JARID2: variants seen among roughly 807,000 people sequenced by gnomAD.
JARID2 encodes jumonji and AT-rich interaction domain containing 2, also known as protein Jumonji.
Under a neutral mutation model 125.6 loss-of-function variants are expected in JARID2, and 21 were observed. The ratio of observed to expected loss-of-function variants is 0.17; its 90% confidence interval spans 0.12 to 0.24. JARID2 has a LOEUF of 0.24. JARID2 is among the 10% of genes least tolerant of loss of function. JARID2 has a pLI of 1.00. For missense variants in JARID2, 1,303 were observed against 1,639.6 expected (o/e 0.79, Z 3.55); for synonymous variants, 736 against 661.6 (o/e 1.11, Z -1.73).
At chr6:15,497,635 AG>A (rs1770521407) in intron 7 of JARID2, among the ~76,000 whole-genome samples, 1 of 119,562 alleles carries the variant, frequency 8.4e-6, no homozygotes, top group African/African-American at 3.5e-5. Context: ...TGGGTGACAG[AG>A]TGAGATTCCG....
At chr6:15,451,173 G>C (rs1183692148) in intron 3 of JARID2, among the ~76,000 whole-genome samples, 3 of 152,138 alleles carry the variant, frequency 2.0e-5, no homozygotes, top group African/African-American at 2.4e-5. Flanking sequence ...ACAAAACACT[G>C]TTCCAAGATC....
chr6:15,456,145 T>C (rs1479579996), intron 4 of JARID2, among the ~76,000 whole-genome samples: 1 of 152,112 alleles, frequency 6.6e-6, no homozygotes, highest in Non-Finnish European at 1.5e-5. Context: ...GTGTTTGTGC[T>C]ACATGTACTT....
At position 15,501,349 on chromosome 6, in the gene JARID2, G is replaced by C; in HGVS notation, c.2388G>C (p.Val796=). The C allele has an allele frequency of 2.5e-6, 4 of 1,597,560 alleles. No individual in the cohort carries two copies. ...RRRLFAQEKE[V]VKEEEEDKGV... ...GACTCTTCGCTCAGGAAAAAGAAGT[G>C]GTCAAGGAAGAGGAGGAGGACAAAG... The change falls in exon 8 of 18, where the codon GTG becomes GTC. Residue 796 remains valine (V), a synonymous_variant. Transcript: ENST00000341776.
Position 15,384,686 on chromosome 6 carries a change from C to G in JARID2, c.181+10434C>G, listed in dbSNP as rs527793557. 1.7e-4 allele frequency among the ~76,000 whole-genome samples: 26 copies of G among 152,254 alleles called. 1 individual carries two copies. In the South Asian group the frequency reaches 5.4e-3, roughly 32 times the overall value. ...TCTCACTGCAGCCTGGGCTCCTTCC[C>G]CATTTAACATCCCGCCCCAACCCCC... On this transcript the variant is annotated intron_variant, in intron 2 of 17. Coordinates refer to ENST00000341776, the MANE Select transcript of JARID2 (RefSeq NM_004973.4).
At position 15,468,604 on chromosome 6, in the gene JARID2, G is replaced by C. The variant is rs780008195; in HGVS notation, c.556G>C (p.Glu186Gln). ...AAGCTCTCAGGATGAGGAGGAAGTC[G>C]AGGAGGAAGATGATGAGACAGAAGA... ...FGSSQDEEEV[E>Q]EEDDETEDVK... The change falls in exon 5 of 18, where the codon GAG (glutamate) becomes CAG (glutamine). Residue 186 changes from glutamate (E) to glutamine (Q), a missense_variant. Physicochemically the swap from Glu to Gln is conservative, Grantham distance 29. This residue lies in a region of JARID2 where 651 missense variants were observed against 581.6 expected (regional missense o/e 1.12). Coordinates refer to ENST00000341776, the MANE Select transcript of JARID2 (RefSeq NM_004973.4). 8.7e-6 allele frequency: 14 copies of C among 1,614,014 alleles called. No homozygotes were observed. Among genetic ancestry groups the C allele is most frequent in the East Asian group, 2.2e-5 (1 of 44,888 alleles).
At chr6:15,332,930 C>CTTTTTTTTTTTT (rs1319288795) in intron 1 of JARID2, among the ~76,000 whole-genome samples, 13 of 82,818 alleles carry the variant, frequency 1.6e-4, no homozygotes, top group African/African-American at 5.8e-4. Context: ...CTTTTCTTTT[C>CTTTTTTTTTTTT]TTTTCTTTTT....
At position 15,486,917 on chromosome 6, in the gene JARID2, T is replaced by G. The variant is rs1441681536; in HGVS notation, c.671-390T>G. Among the ~76,000 whole-genome samples, 3 of 149,584 alleles carry G rather than the reference T, an allele frequency of 2.0e-5. No individual in the cohort carries two copies. In the East Asian group the frequency reaches 6.1e-4, roughly 30 times the overall value. On this transcript the variant is annotated intron_variant, in intron 5 of 17. Transcript: ENST00000341776. ...GTCCATTCTCACACTGCTATAAAGA[T>G]ACTACCTGAGACTGGGTAATTTATA... is the stretch of plus-strand genomic sequence containing the variant.
intron 3 of JARID2, among the ~76,000 whole-genome samples, chr6:15,415,954 T>C (rs552388129): frequency 1.5e-5 from 2 of 135,688 alleles, no homozygotes; most frequent in Admixed American, 7.3e-5. Context: ...GGGCGGAGGG[T>C]CTCCTCACTT....
At chr6:15,301,683 C>CT (rs1761630115) in intron 1 of JARID2, among the ~76,000 whole-genome samples, 1 of 152,138 alleles carries the variant, frequency 6.6e-6, no homozygotes, top group Admixed American at 6.5e-5. Flanking sequence ...GATAGGAAGA[C>CT]TGAGTGAAAA....
chr6:15,354,239 T>C (rs1276994556), intron 1 of JARID2, among the ~76,000 whole-genome samples: 1 of 152,046 alleles, frequency 6.6e-6, no homozygotes, highest in African/African-American at 2.4e-5. Flanking sequence ...TGATGCAGTT[T>C]GAGGATGGAT....
rs570974988 is a variant in JARID2 at position 15,517,523 on chromosome 6, G to GC, written c.3558+262dup. Among the ~76,000 whole-genome samples, 332 of 152,138 alleles carry GC rather than the reference G, an allele frequency of 2.2e-3. 3 individuals carry two copies. In the Middle Eastern group the frequency reaches 0.027, roughly 12 times the overall value. The stretch of plus-strand genomic sequence containing the variant: ...CAGGGCTGAGGCTCTTCCTGCAGCC[G>GC]CCCCCCCGGCTTTCCCAAGGGCTGC... On this transcript the variant is annotated intron_variant, in intron 17 of 17. Transcript: ENST00000341776.
rs932064525 is a variant in JARID2 at position 15,521,301 on chromosome 6, C to A, written c.*1050C>A. On this transcript the variant is annotated 3_prime_UTR_variant, in exon 18 of 18. Coordinates refer to ENST00000341776, the MANE Select transcript of JARID2 (RefSeq NM_004973.4). Reference sequence around the variant, plus strand: ...AATGTGAAAATGCATTTGCGTTCATCTTGTCTATTTTTTCTCTTCATGTTG... The same window carrying A: ...AATGTGAAAATGCATTTGCGTTCATATTGTCTATTTTTTCTCTTCATGTTG... The A allele has an allele frequency of 1.3e-5, 2 of 149,768 alleles. No individual in the cohort carries two copies. The highest frequency in any genetic ancestry group is 4.9e-5 in the African/African-American group (2 of 40,566). 9.3% of individuals were successfully genotyped at this position (149,768 alleles called of 1,614,324 possible).
At chr6:15,488,538 G>A (rs1769993544) in intron 6 of JARID2, among the ~76,000 whole-genome samples, 1 of 152,228 alleles carries the variant, frequency 6.6e-6, no homozygotes, top group Admixed American at 6.5e-5. Flanking sequence ...GGACGGAAGA[G>A]ATTTCCTGGC....
chr6:15,450,178 A>G (rs1767856785), intron 3 of JARID2, among the ~76,000 whole-genome samples: 1 of 151,790 alleles, frequency 6.6e-6, no homozygotes, highest in African/African-American at 2.4e-5. Flanking sequence ...TTTATTCGTT[A>G]TTATTTTTGA....
intron 1 of JARID2, among the ~76,000 whole-genome samples, chr6:15,348,295 T>A (rs1010435578): frequency 2.6e-5 from 4 of 152,126 alleles, no homozygotes; most frequent in African/African-American, 9.7e-5. Context: ...TTTCACCATG[T>A]TGGCCAGTCC....
chr6:15,395,348 T>C (rs1765179505), intron 2 of JARID2, among the ~76,000 whole-genome samples: 1 of 151,982 alleles, frequency 6.6e-6, no homozygotes, highest in South Asian at 2.1e-4. Flanking sequence ...CAGGCTGGAG[T>C]GCAGTGGTAT....
chr6:15,441,257 A>G (rs1395172408), intron 3 of JARID2, among the ~76,000 whole-genome samples: 1 of 152,146 alleles, frequency 6.6e-6, no homozygotes, highest in Non-Finnish European at 1.5e-5. Context: ...AATGAGTTGG[A>G]GGGGTGAGAT....
intron 1 of JARID2, among the ~76,000 whole-genome samples, chr6:15,339,778 G>A (rs896192900): frequency 6.6e-6 from 1 of 152,050 alleles, no homozygotes; most frequent in African/African-American, 2.4e-5. Flanking sequence ...CAGGTGATGT[G>A]CCCTCGTCGG....
chr6:15,323,639 C>T (rs983558748), intron 1 of JARID2, among the ~76,000 whole-genome samples: 1 of 152,184 alleles, frequency 6.6e-6, no homozygotes, highest in Admixed American at 6.5e-5. Flanking sequence ...AAAGAAAATT[C>T]CTTTTGTTGG....
Sources: gnomAD v4.1 joint callset for allele counts (sites outside exome capture counted in the v4.1 genomes callset) on GRCh38, gnomAD v4.1.1 for gene constraint, gnomAD v4.1.1 regional missense constraint, MANE v1.5 for transcripts, NCBI Gene and HGNC (gene_info 2026-07-23, HGNC 2026-07-21) for gene names.